TFDP2: variants seen among roughly 807,000 people sequenced by gnomAD.
The protein encoded by TFDP2 is transcription factor Dp-2, also known as transcription factor Dp-2 (E2F dimerization partner 2).
TFDP2 carries 17 observed loss-of-function variants against 59.3 expected under a neutral mutation model. The ratio of observed to expected loss-of-function variants is 0.29; its 90% CI spans 0.20 to 0.43. The LOEUF is 0.43. Among genes scored for constraint, TFDP2 ranks in the 20% least tolerant of loss-of-function variants. The pLI, the probability that TFDP2 is intolerant of heterozygous loss-of-function variation, is 1.00. For synonymous variants in TFDP2, 180 were observed against 194.7 expected, an observed-to-expected ratio of 0.92 and a Z score of 0.63; for missense variants, 391 against 528.8, an observed-to-expected ratio of 0.74 and a Z score of 2.56.
intron 1 of TFDP2, among the ~76,000 whole-genome samples, chr3:142,115,642 ACC>A (rs1327631164): frequency 1.3e-5 from 2 of 152,122 alleles, no homozygotes; most frequent in Non-Finnish European, 2.9e-5. Flanking sequence ...TCATATAAGT[ACC>A]TGCATGTAGA....
intron 11 of TFDP2, among the ~76,000 whole-genome samples, chr3:141,958,086 T>C (rs1033833160): frequency 2.0e-5 from 3 of 152,168 alleles, no homozygotes; most frequent in African/African-American, 4.8e-5. Context: ...AAAATCAAAT[T>C]GAAAATTTTT....
At chr3:141,954,180 G>C (rs967481286) in intron 11 of TFDP2, among the ~76,000 whole-genome samples, 2 of 151,866 alleles carry the variant, frequency 1.3e-5, no homozygotes, top group Non-Finnish European at 1.5e-5. Context: ...AAGAAAAAAA[G>C]AAAAGAAAAT....
In TFDP2 at chr3:141,970,159, C is replaced by G; in HGVS notation, c.664-18G>C. 1 of 1,611,362 alleles carries G rather than the reference C, an allele frequency of 6.2e-7. No individual in the cohort carries two copies. The highest frequency in any genetic ancestry group is 8.5e-7 in the Non-Finnish European group (1 of 1,177,496). ...TTCTCTATCTTTAAAACATTGGTTACAAAATAATATGAACATAGGTAGACT... is the reference window on the plus strand; with the variant it reads ...TTCTCTATCTTTAAAACATTGGTTAGAAAATAATATGAACATAGGTAGACT... On this transcript the variant is annotated intron_variant, in intron 8 of 12. Transcript: ENST00000489671.
At chr3:142,138,264 C>CT (rs2062810791) in intron 1 of TFDP2, among the ~76,000 whole-genome samples, 2 of 149,498 alleles carry the variant, frequency 1.3e-5, no homozygotes, top group Admixed American at 6.7e-5. Context: ...TTCTTCTCTC[C>CT]TCTTTATTAG....
chr3:142,145,769 G>C (rs1220991248), intron 1 of TFDP2, among the ~76,000 whole-genome samples: 1 of 151,838 alleles, frequency 6.6e-6, no homozygotes, highest in Non-Finnish European at 1.5e-5. Context: ...CAAAAAAGTA[G>C]TAATTAACAT....
intron 1 of TFDP2, among the ~76,000 whole-genome samples, chr3:142,107,728 C>G (rs1397691446): frequency 6.6e-6 from 1 of 152,116 alleles, no homozygotes; most frequent in Non-Finnish European, 1.5e-5. Context: ...AGTTAACCAA[C>G]TGTACAAATT....
intron 9 of TFDP2, among the ~76,000 whole-genome samples, chr3:141,968,416 T>TATATAAC (rs1938586164): frequency 9.3e-6 from 1 of 107,852 alleles, no homozygotes; most frequent in African/African-American, 3.8e-5. Flanking sequence ...ATATATAACA[T>TATATAAC]ATATATCTCA....
intron 1 of TFDP2, 97 bp downstream of exon 1, chr3:142,149,086 G>T: frequency 2.5e-6 from 1 of 395,914 alleles, no homozygotes; most frequent in Non-Finnish European, 4.5e-6. Flanking sequence ...GAACAAGGGG[G>T]CCCCTGTGCG....
chr3:142,057,573 C>T (rs560137761), intron 3 of TFDP2, among the ~76,000 whole-genome samples: 1 of 152,272 alleles, frequency 6.6e-6, no homozygotes, highest in South Asian at 2.1e-4. Context: ...GGTTAATCAA[C>T]TAATCCAGAA....
At chr3:142,131,040 C>T (rs1313432903) in intron 1 of TFDP2, among the ~76,000 whole-genome samples, 21 of 127,776 alleles carry the variant, frequency 1.6e-4, no homozygotes, top group East Asian at 1.0e-3. Flanking sequence ...GCAACAAGAG[C>T]GAAACTACGT....
intron 4 of TFDP2, among the ~76,000 whole-genome samples, chr3:142,003,380 A>T (rs112628322): frequency 0.07 from 10,598 of 151,350 alleles, 462 homozygotes; most frequent in Non-Finnish European, 0.11. Flanking sequence ...CCCGCCCACC[A>T]TGGCCTCCCA....
At chr3:141,995,222 C>T in intron 4 of TFDP2, 81 bp from the exon 5 acceptor site, 1 of 1,221,184 alleles carries the variant, frequency 8.2e-7, no homozygotes, top group Non-Finnish European at 1.1e-6. Context: ...TGATTGCTAA[C>T]CTACATATGA....
At chr3:142,106,063 AC>A (rs1160397857) in intron 1 of TFDP2, among the ~76,000 whole-genome samples, 1 of 152,016 alleles carries the variant, frequency 6.6e-6, no homozygotes, top group Non-Finnish European at 1.5e-5. Context: ...AGTGAAAAAT[AC>A]CATAACATAA....
At chr3:142,042,951 A>T (rs1947084648) in intron 3 of TFDP2, among the ~76,000 whole-genome samples, 1 of 150,992 alleles carries the variant, frequency 6.6e-6, no homozygotes, top group African/African-American at 2.4e-5. Flanking sequence ...CTTGTTGGTA[A>T]GTCTGGTCTC....
intron 3 of TFDP2, among the ~76,000 whole-genome samples, chr3:142,082,773 A>G (rs1460734245): frequency 6.6e-6 from 1 of 152,240 alleles, no homozygotes; most frequent in African/African-American, 2.4e-5. Flanking sequence ...CAAAAACAAT[A>G]TAATCATTTC....
intron 1 of TFDP2, among the ~76,000 whole-genome samples, chr3:142,104,156 GT>G (rs1490378240): frequency 6.6e-6 from 1 of 152,122 alleles, no homozygotes; most frequent in Non-Finnish European, 1.5e-5. Flanking sequence ...GCTTACAGTA[GT>G]TGTACAATGT....
chr3:142,128,136 T>C (rs1201956690), intron 1 of TFDP2, among the ~76,000 whole-genome samples: 2 of 151,996 alleles, frequency 1.3e-5, no homozygotes, highest in African/African-American at 4.8e-5. Flanking sequence ...GCCCCGGAAC[T>C]TGAGGTTACA....
chr3:142,123,106 C>A (rs1451716440), intron 1 of TFDP2, among the ~76,000 whole-genome samples: 1 of 152,092 alleles, frequency 6.6e-6, no homozygotes, highest in Middle Eastern at 3.4e-3. Flanking sequence ...AAATTACAGG[C>A]GCGCACCACT....
intron 3 of TFDP2, among the ~76,000 whole-genome samples, chr3:142,087,431 C>A (rs1576946855): frequency 6.6e-6 from 1 of 152,078 alleles, no homozygotes; most frequent in South Asian, 2.1e-4. Flanking sequence ...CACTGGATAG[C>A]CATTCATTAT....
Sources: gnomAD v4.1 joint callset for allele counts (sites outside exome capture counted in the v4.1 genomes callset) on GRCh38, gnomAD v4.1.1 for gene constraint, MANE v1.5 for transcripts, NCBI Gene and HGNC (gene_info 2026-07-23, HGNC 2026-07-21) for gene names.